The following PREX2 variants were observed in gnomAD, a reference collection of about 807,000 sequenced individuals.
The protein encoded by PREX2 is phosphatidylinositol 3,4,5-trisphosphate-dependent Rac exchanger 2 protein.
In PREX2, 107 loss-of-function variants were observed where a neutral mutation model predicts 203.2. The observed-to-expected ratio is 0.53, with a 90% CI of 0.45 to 0.62. The LOEUF is 0.62. Ranked by LOEUF, PREX2 falls within the 20% of genes least tolerant of loss-of-function variation. The pLI is 0.00. For synonymous variants in PREX2, 672 were observed against 663.6 expected (o/e 1.01, Z -0.19); for missense variants, 1,777 against 1,955.9 (o/e 0.91, Z 1.72).
At chr8:68,193,096 A>C (rs1479680235) in intron 37 of PREX2, among the ~76,000 whole-genome samples, 1 of 152,208 alleles carries the variant, frequency 6.6e-6, no homozygotes, top group Admixed American at 6.5e-5. Flanking sequence ...GGCAGCCAAG[A>C]TGACAGGCAT....
At chr8:68,056,222 G>A (rs777273021) in intron 10 of PREX2, among the ~76,000 whole-genome samples, 6 of 151,926 alleles carry the variant, frequency 3.9e-5, no homozygotes, top group African/African-American at 7.2e-5. Context: ...TCATGATCCC[G>A]GGGGAAAGTG....
chr8:68,051,680 T>C (rs1348252614), intron 8 of PREX2, among the ~76,000 whole-genome samples: 1 of 152,200 alleles, frequency 6.6e-6, no homozygotes, highest in Admixed American at 6.5e-5. Flanking sequence ...TATGAAGTTC[T>C]CTTACTTTGT....
At chr8:68,070,969 T>C (rs2129611623) in intron 13 of PREX2, among the ~76,000 whole-genome samples, 1 of 152,276 alleles carries the variant, frequency 6.6e-6, no homozygotes, top group East Asian at 1.9e-4. Context: ...CCATAATTCT[T>C]TCACAGATAC....
At chr8:68,063,930 T>A (rs1808939536) in intron 11 of PREX2, among the ~76,000 whole-genome samples, 1 of 152,076 alleles carries the variant, frequency 6.6e-6, no homozygotes, top group Non-Finnish European at 1.5e-5. Context: ...AAAATAGAAT[T>A]CCTAAAATAA....
chr8:68,121,010 G>T lies in PREX2; in HGVS notation c.3685G>T (p.Val1229Phe), dbSNP rs530869739. Residue 1229 changes from valine (V) to phenylalanine (F), a missense_variant, in exon 30 of 40, where the codon GTC becomes TTC. By Grantham distance (50) the Val-to-Phe change is conservative (BLOSUM62 -1). Transcript: ENST00000288368. ...AGATCCTTGGAATCTTCCCAGCAGCGTCCGGACTCTTGCTCAGAACATCAG... is the reference window on the plus strand; with the variant it reads ...AGATCCTTGGAATCTTCCCAGCAGCTTCCGGACTCTTGCTCAGAACATCAG... Reference protein sequence around the residue: ...KQDPWNLPSSVRTLAQNIRKF... With the variant: ...KQDPWNLPSSFRTLAQNIRKF... The T allele has an allele frequency of 6.2e-7, 1 of 1,613,574 alleles. No homozygotes were observed. The highest frequency in any genetic ancestry group is 1.1e-5 in the South Asian group (1 of 91,036).
rs184990879 is a variant in PREX2, at chr8:68,085,934, A to T, written c.2028-1790A>T. Among the ~76,000 whole-genome samples the T allele has an allele frequency of 8.0e-4, 122 of 152,332 alleles. 1 individual carries two copies. The highest frequency in any genetic ancestry group is 1.3e-3 in the Non-Finnish European group (89 of 68,028). ...GAAAGTTCTATGTTGTTTCAGCAGA[A>T]GTGAACTCTCATTCGTAATATATAG... On this transcript the variant is annotated intron_variant, in intron 18 of 39. Transcript: ENST00000288368.
intron 25 of PREX2, among the ~76,000 whole-genome samples, chr8:68,113,377 T>G (rs1187844277): frequency 6.6e-6 from 1 of 152,224 alleles, no homozygotes; most frequent in East Asian, 1.9e-4. Context: ...CTCCTGCATT[T>G]TTTCCCTCTT....
intron 13 of PREX2, among the ~76,000 whole-genome samples, chr8:68,071,300 T>G (rs1448009550): frequency 1.3e-5 from 2 of 152,150 alleles, no homozygotes; most frequent in Non-Finnish European, 2.9e-5. Context: ...AGGCTTTTAA[T>G]ATGTGTGAAC....
At chr8:68,088,867 A>G (rs544249097) in intron 19 of PREX2, among the ~76,000 whole-genome samples, 1 of 152,264 alleles carries the variant, frequency 6.6e-6, no homozygotes, top group South Asian at 2.1e-4. Context: ...ATCAAGCTGT[A>G]CCTCTTCCCT....
chr8:68,059,802 A>G (rs1488623395), intron 10 of PREX2, among the ~76,000 whole-genome samples: 1 of 152,130 alleles, frequency 6.6e-6, no homozygotes, highest in Admixed American at 6.5e-5. Flanking sequence ...GGCTGCAAGA[A>G]TGAAGTCCTT....
chr8:68,095,696 G>T (rs1810048857), intron 21 of PREX2, among the ~76,000 whole-genome samples: 1 of 150,400 alleles, frequency 6.6e-6, no homozygotes, highest in African/African-American at 2.5e-5. Flanking sequence ...TAGTGTAGTG[G>T]TACTATTATA....
intron 18 of PREX2, among the ~76,000 whole-genome samples, chr8:68,086,297 C>G (rs995924006): frequency 3.3e-5 from 5 of 152,120 alleles, no homozygotes; most frequent in Middle Eastern, 3.2e-3. Flanking sequence ...GATTGCAGTG[C>G]CAGCCTCTCT....
chr8:68,192,844 A>T (rs1314882818), intron 37 of PREX2, among the ~76,000 whole-genome samples: 1 of 152,200 alleles, frequency 6.6e-6, no homozygotes, highest in Non-Finnish European at 1.5e-5. Context: ...GAGCTGACTC[A>T]ACTAGCTCAA....
At chr8:68,029,207 T>C (rs781572587) in intron 5 of PREX2, among the ~76,000 whole-genome samples, 1 of 152,116 alleles carries the variant, frequency 6.6e-6, no homozygotes, top group Non-Finnish European at 1.5e-5. Flanking sequence ...TCAATCAACA[T>C]TGGGTTCTTA....
chr8:68,154,105 C>T (rs955568610), intron 34 of PREX2, among the ~76,000 whole-genome samples: 7 of 152,192 alleles, frequency 4.6e-5, no homozygotes, highest in Non-Finnish European at 8.8e-5. Context: ...ACTGCTGTGC[C>T]ATCCCACTGT....
At chr8:67,954,971 CG>C (rs1805455221) in intron 1 of PREX2, among the ~76,000 whole-genome samples, 1 of 151,604 alleles carries the variant, frequency 6.6e-6, no homozygotes, top group African/African-American at 2.4e-5. Flanking sequence ...GGTGAAACCC[CG>C]TCTCTACTAA....
intron 37 of PREX2, among the ~76,000 whole-genome samples, chr8:68,197,939 A>G (rs1007262545): frequency 3.3e-5 from 5 of 151,912 alleles, no homozygotes; most frequent in African/African-American, 9.6e-5. Flanking sequence ...TTCTTTCTCA[A>G]TTGTATATAA....
At chr8:68,101,363 T>C (rs776854232) in intron 23 of PREX2, 10 of 518,720 alleles carry the variant, frequency 1.9e-5, no homozygotes, top group African/African-American at 5.8e-5. Flanking sequence ...GGTTGTTGAG[T>C]TGAGTTTGCA....
intron 17 of PREX2, chr8:68,082,857 A>G (rs541685677): frequency 1.2e-4 from 20 of 163,970 alleles, no homozygotes; most frequent in Non-Finnish European, 1.9e-4. Flanking sequence ...ATGTAGATAC[A>G]GAAGTTGACA....
Sources: gnomAD v4.1 joint callset for allele counts (sites outside exome capture counted in the v4.1 genomes callset) on GRCh38, gnomAD v4.1.1 for gene constraint, MANE v1.5 for transcripts, NCBI Gene and HGNC (gene_info 2026-07-23, HGNC 2026-07-21) for gene names.